The following MAP10 variants were observed in gnomAD, a reference collection of about 807,000 sequenced individuals.
MAP10 encodes microtubule-associated protein 10.
MAP10 carries 10 observed loss-of-function variants against 6.3 expected under a neutral mutation model. The ratio of observed to expected loss-of-function variants is 1.58; its 90% confidence interval spans 0.98 to 2.69. The LOEUF is 2.69. Ranked by LOEUF, MAP10 falls within the 30% of genes most tolerant of loss-of-function variation. MAP10 has a pLI of 0.00. For synonymous variants in MAP10, 459 were observed against 429.3 expected (o/e 1.07, Z -0.86); for missense variants, 1,189 against 1,086.5 (o/e 1.09, Z -1.33).
Position 232,809,048 on chromosome 1 carries a change from G to A in MAP10, c.*881G>A, listed in dbSNP as rs564996417. 6.6e-6 allele frequency among the ~76,000 whole-genome samples: 1 copy of A among 152,130 alleles called. No homozygotes were observed. The highest frequency in any genetic ancestry group is 2.1e-4 in the South Asian group (1 of 4,832). ...CCTTCAGGTGTTCTCTGAAATATTT[G>A]GAAAGGGAAACTTAAGAAGGTATCT... On this transcript the variant is annotated 3_prime_UTR_variant, in exon 1 of 1. Transcript: ENST00000418460.
In MAP10 at chr1:232,806,395, C is replaced by G; in HGVS notation, c.946C>G (p.Pro316Ala). 1 of 1,613,858 alleles carries G rather than the reference C, an allele frequency of 6.2e-7. No homozygotes were observed. Among genetic ancestry groups the G allele is most frequent in the South Asian group, 1.1e-5 (1 of 91,062 alleles). The change falls in exon 1 of 1, where the codon CCT becomes GCT. Residue 316 changes from proline to alanine, a missense_variant. Coordinates refer to ENST00000418460, the MANE Select transcript of MAP10 (RefSeq NM_019090.3). The part of the protein sequence containing the change: ...YTNLTQEKPP[P>A]AQAKITIEPQ... Reference sequence around the variant, plus strand: ...TAACTTGACCCAAGAAAAACCGCCCCCTGCACAGGCTAAAATCACCATTGA... The same window carrying G: ...TAACTTGACCCAAGAAAAACCGCCCGCTGCACAGGCTAAAATCACCATTGA...
rs201385301 is a variant in MAP10 at position 232,805,789 on chromosome 1, G to C, written c.340G>C (p.Ala114Pro). 1 of 1,598,980 alleles carries C rather than the reference G, an allele frequency of 6.3e-7. No homozygotes were observed. Among genetic ancestry groups the C allele is most frequent in the Non-Finnish European group, 8.5e-7 (1 of 1,173,578 alleles). ...CTGCCGGCTCCTGCGGACCCCGCTT[G>C]CCACCTTGCTGCTGCAGCTGCCCCC... ...LHCRLLRTPL[A>P]TLLLQLPPGR... The change falls in exon 1 of 1, where the codon GCC (alanine) becomes CCC (proline). Residue 114 changes from alanine (A) to proline (P), a missense_variant. By Grantham distance (27) the Ala-to-Pro change is conservative (BLOSUM62 -1). Coordinates refer to ENST00000418460, the MANE Select transcript of MAP10 (RefSeq NM_019090.3).
Position 232,806,010 on chromosome 1 carries a change from C to A in MAP10, c.561C>A (p.Arg187=). 6.2e-7 allele frequency: 1 copy of A among 1,613,888 alleles called. No individual in the cohort carries two copies. Among genetic ancestry groups the A allele is most frequent in the Non-Finnish European group, 8.5e-7 (1 of 1,179,868 alleles). Residue 187 remains arginine, a synonymous_variant, in exon 1 of 1, where the codon CGC becomes CGA. Coordinates refer to ENST00000418460, the MANE Select transcript of MAP10 (RefSeq NM_019090.3). Reference sequence around the variant, plus strand: ...ACCGCCTGACTGACCTGGGAAGCCGCCTGCTGAGCCAACTTGAGCGGCCCC... The same window carrying A: ...ACCGCCTGACTGACCTGGGAAGCCGACTGCTGAGCCAACTTGAGCGGCCCC... ...LAYRLTDLGS[R]LLSQLERPLT...
In MAP10 at chr1:232,805,495, G is replaced by C; in HGVS notation, c.46G>C (p.Val16Leu). 1 of 1,578,704 alleles carries C rather than the reference G, an allele frequency of 6.3e-7. No individual in the cohort carries two copies. Among genetic ancestry groups the C allele is most frequent in the Non-Finnish European group, 8.6e-7 (1 of 1,161,634 alleles). ...GCGGCTCTTCTCGCTGGAGCTGCTG[G>C]TGGACTGGGTGCGTTTGGAAGCCCG... ...SERLFSLELL[V>L]DWVRLEARLL... The change falls in exon 1 of 1, where the codon GTG becomes CTG. Residue 16 changes from valine (V) to leucine (L), a missense_variant. By Grantham distance (32) the Val-to-Leu change is conservative. Transcript: ENST00000418460.
the MAP10 span, chr1:232,807,928 C>T: frequency 6.2e-7 from 1 of 1,613,076 alleles, no homozygotes; most frequent in Non-Finnish European, 8.5e-7. Flanking sequence ...AAAGAGAGCT[C>T]AAGACATCTC....
rs1294825767 is a variant in MAP10, at chr1:232,806,483, C to T, written c.1034C>T (p.Pro345Leu). 1 of 1,613,836 alleles carries T rather than the reference C, an allele frequency of 6.2e-7. No individual in the cohort carries two copies. Among genetic ancestry groups the T allele is most frequent in the Non-Finnish European group, 8.5e-7 (1 of 1,179,886 alleles). ...DASPEKKRVN[P>L]PAHRSCLKHP... ...TCTCCTGAAAAAAAGCGTGTAAATC[C>T]CCCAGCACACAGGAGTTGTCTAAAG... Residue 345 changes from proline to leucine, a missense_variant, in exon 1 of 1, where the codon CCC (proline) becomes CTC (leucine). Coordinates refer to ENST00000418460, the MANE Select transcript of MAP10 (RefSeq NM_019090.3).
Position 232,805,507 on chromosome 1 carries a change from C to T in MAP10, c.58C>T (p.Arg20Cys). 8.9e-6 allele frequency: 14 copies of T among 1,571,948 alleles called. No individual in the cohort carries two copies. The highest frequency in any genetic ancestry group is 2.3e-5 in the East Asian group (1 of 42,706). Residue 20 changes from arginine to cysteine, a missense_variant, in exon 1 of 1, where the codon CGT becomes TGT. Transcript: ENST00000418460. ...FSLELLVDWV[R>C]LEARLLPSPA... ...GCTGGAGCTGCTGGTGGACTGGGTGCGTTTGGAAGCCCGGCTGCTGCCGTC... is the reference window on the plus strand; with the variant it reads ...GCTGGAGCTGCTGGTGGACTGGGTGTGTTTGGAAGCCCGGCTGCTGCCGTC...
Position 232,805,716 on chromosome 1 carries a change from C to G in MAP10, c.267C>G (p.Phe89Leu), listed in dbSNP as rs781317233. Residue 89 changes from phenylalanine to leucine, a missense_variant, in exon 1 of 1, where the codon TTC becomes TTG. Physicochemically the swap from Phe to Leu is conservative, Grantham distance 22 (BLOSUM62 0). Coordinates refer to ENST00000418460, the MANE Select transcript of MAP10 (RefSeq NM_019090.3). ...AAEPWPGVIR[F>L]GRGKSCLFRL... ...AACCGTGGCCCGGTGTCATCCGCTTCGGTCGCGGCAAGTCCTGCCTCTTCC... is the reference window on the plus strand; with the variant it reads ...AACCGTGGCCCGGTGTCATCCGCTTGGGTCGCGGCAAGTCCTGCCTCTTCC... The G allele has an allele frequency of 1.2e-6, 2 of 1,604,254 alleles. No homozygotes were observed. Among genetic ancestry groups the G allele is most frequent in the Middle Eastern group, 1.7e-4 (1 of 5,958 alleles).
In MAP10 at chr1:232,806,797, G is replaced by C. The variant is rs775910783; in HGVS notation, c.1348G>C (p.Asp450His). 3 of 1,613,616 alleles carry C rather than the reference G, an allele frequency of 1.9e-6. No homozygotes were observed. The Admixed American group carries it at 5.0e-5, about 27-fold the overall frequency. The change falls in exon 1 of 1, where the codon GAT becomes CAT. Residue 450 changes from aspartate to histidine, a missense_variant. By Grantham distance (81) the Asp-to-His change is moderately conservative (BLOSUM62 -1). Coordinates refer to ENST00000418460, the MANE Select transcript of MAP10 (RefSeq NM_019090.3). The part of the protein sequence containing the change: ...KSTCRSEAKK[D>H]KRSVGGCEKS... ...CACATGCCGGTCTGAAGCCAAGAAG[G>C]ATAAGCGTTCTGTGGGGGGATGTGA...
chr1:232,807,935 T>C lies in MAP10; in HGVS notation c.2486T>C (p.Ile829Thr). ...NSEITKRAQD[I>T]SVKTRSSWKS... ...GAAATTACAAAGAGAGCTCAAGACA[T>C]CTCTGTTAAAACAAGAAGTAGTTGG... The change falls in exon 1 of 1, where the codon ATC (isoleucine) becomes ACC (threonine). Residue 829 changes from isoleucine (I) to threonine (T), a missense_variant. Transcript: ENST00000418460. The C allele has an allele frequency of 6.2e-7, 1 of 1,612,978 alleles. No homozygotes were observed. Among genetic ancestry groups the C allele is most frequent in the South Asian group, 1.1e-5 (1 of 90,848 alleles).
Position 232,805,441 on chromosome 1 carries a change from G to T in MAP10, c.-9G>T. ...GGAGCCCGCGGCGGCGTTTCCTGGG[G>T]CAACAGCAATGGCGGCCTCGCTGTC... On this transcript the variant is annotated 5_prime_UTR_variant, in exon 1 of 1. Transcript: ENST00000418460. The T allele has an allele frequency of 6.2e-7, 1 of 1,611,752 alleles. No homozygotes were observed. The highest frequency in any genetic ancestry group is 8.5e-7 in the Non-Finnish European group (1 of 1,179,112).
At position 232,808,091 on chromosome 1, in the gene MAP10, G is replaced by T. The variant is rs1158431196; in HGVS notation, c.2642G>T (p.Gly881Val). The part of the protein sequence containing the change: ...DHFEEGNDDV[G>V]SLNISKQCKD... ...TTTGAAGAAGGCAATGATGATGTTG[G>T]TTCACTAAATATTTCCAAGCAATGC... The change falls in exon 1 of 1, where the codon GGT (glycine) becomes GTT (valine). Residue 881 changes from glycine (G) to valine (V), a missense_variant. Transcript: ENST00000418460. The T allele has an allele frequency of 1.9e-6, 3 of 1,600,200 alleles. No homozygotes were observed. Among genetic ancestry groups the T allele is most frequent in the Non-Finnish European group, 2.6e-6 (3 of 1,169,762 alleles).
rs748481724 is a variant in MAP10 at position 232,805,662 on chromosome 1, T to G, written c.213T>G (p.Pro71=). Reference sequence around the variant, plus strand: ...ACTTCCCCACGCTGTTGGTTTACCCTCCTGACGGCCCCGGCGCTCCCGCCG... The same window carrying G: ...ACTTCCCCACGCTGTTGGTTTACCCGCCTGACGGCCCCGGCGCTCCCGCCG... ...LLDFPTLLVY[P]PDGPGAPAAE... The change falls in exon 1 of 1, where the codon CCT becomes CCG. Residue 71 remains proline (P), a synonymous_variant. Transcript: ENST00000418460. 4 of 1,596,144 alleles carry G rather than the reference T, an allele frequency of 2.5e-6. No homozygotes were observed. Among genetic ancestry groups the G allele is most frequent in the African/African-American group, 1.3e-5 (1 of 74,654 alleles).
At chr1:232,807,171 T>TA in the MAP10 span, 1 of 1,613,114 alleles carries the variant, frequency 6.2e-7, no homozygotes, top group Non-Finnish European at 8.5e-7. Context: ...AAAATAGTGA[T>TA]ACCTCAAGAC....
Position 232,807,971 on chromosome 1 carries a change from A to G in MAP10, c.2522A>G (p.Glu841Gly), listed in dbSNP as rs750902794. ...VKTRSSWKSL[E>G]KSQSPQTSQV... Reference sequence around the variant, plus strand: ...ACAAGAAGTAGTTGGAAATCTTTAGAAAAAAGCCAGTCACCACAAACATCC... The same window carrying G: ...ACAAGAAGTAGTTGGAAATCTTTAGGAAAAAGCCAGTCACCACAAACATCC... The change falls in exon 1 of 1, where the codon GAA becomes GGA. Residue 841 changes from glutamate to glycine, a missense_variant. By Grantham distance (98) the Glu-to-Gly change is moderately conservative. Transcript: ENST00000418460. The G allele has an allele frequency of 2.5e-6, 4 of 1,612,788 alleles. No homozygotes were observed. The African/African-American group carries it at 5.3e-5, about 22-fold the overall frequency.
chr1:232,807,458 A>G lies in MAP10; in HGVS notation c.2009A>G (p.Lys670Arg). The G allele has an allele frequency of 6.2e-7, 1 of 1,613,828 alleles. No homozygotes were observed. The highest frequency in any genetic ancestry group is 1.1e-5 in the South Asian group (1 of 91,060). ...AAGGAAATAGATATTAGACAGGTCA[A>G]AACCACAGATAATGACATTCTTATG... is the stretch of plus-strand genomic sequence containing the variant. ...VDKEIDIRQV[K>R]TTDNDILMAD... The change falls in exon 1 of 1, where the codon AAA becomes AGA. Residue 670 changes from lysine (K) to arginine (R), a missense_variant. Lys to Arg is a conservative substitution (Grantham distance 26). Coordinates refer to ENST00000418460, the MANE Select transcript of MAP10 (RefSeq NM_019090.3).
chr1:232,807,382 C>T, the MAP10 span: 3 of 1,613,786 alleles, frequency 1.9e-6, no homozygotes, highest in Admixed American at 1.7e-5. Context: ...AATGAAAATC[C>T]AAAGTCCATG....
At position 232,805,765 on chromosome 1, in the gene MAP10, T is replaced by C. The variant is rs1311800576; in HGVS notation, c.316T>C (p.Cys106Arg). ...LFRLQPATLH[C>R]RLLRTPLATL... ...CCGCCTGCAGCCTGCTACCCTGCACTGCCGGCTCCTGCGGACCCCGCTTGC... is the reference window on the plus strand; with the variant it reads ...CCGCCTGCAGCCTGCTACCCTGCACCGCCGGCTCCTGCGGACCCCGCTTGC... The change falls in exon 1 of 1, where the codon TGC (cysteine) becomes CGC (arginine). Residue 106 changes from cysteine (C) to arginine (R), a missense_variant. By Grantham distance (180) the Cys-to-Arg change is radical (BLOSUM62 -3). Coordinates refer to ENST00000418460, the MANE Select transcript of MAP10 (RefSeq NM_019090.3). 6.2e-7 allele frequency: 1 copy of C among 1,601,110 alleles called. No homozygotes were observed. Among genetic ancestry groups the C allele is most frequent in the Non-Finnish European group, 8.5e-7 (1 of 1,175,454 alleles).
In MAP10 at chr1:232,805,522, C is replaced by G. The variant is rs753868536; in HGVS notation, c.73C>G (p.Leu25Val). ...GGACTGGGTGCGTTTGGAAGCCCGG[C>G]TGCTGCCGTCCCCCGCTGCCGCAGT... Reference protein sequence around the residue: ...LVDWVRLEARLLPSPAAAVEQ... With the variant: ...LVDWVRLEARVLPSPAAAVEQ... The change falls in exon 1 of 1, where the codon CTG (leucine) becomes GTG (valine). Residue 25 changes from leucine (L) to valine (V), a missense_variant. Transcript: ENST00000418460. 17 of 1,565,724 alleles carry G rather than the reference C, an allele frequency of 1.1e-5. No homozygotes were observed. The African/African-American group carries it at 2.0e-4, about 19-fold the overall frequency.
Sources: gnomAD v4.1 joint callset for allele counts (sites outside exome capture counted in the v4.1 genomes callset) on GRCh38, gnomAD v4.1.1 for gene constraint, MANE v1.5 for transcripts, NCBI Gene and HGNC (gene_info 2026-07-23, HGNC 2026-07-21) for gene names.